The following GLRA2 variants were observed in gnomAD, a reference collection of about 807,000 sequenced individuals.
The protein encoded by GLRA2 is glycine receptor alpha 2, also known as glycine receptor subunit alpha-2.
Under a neutral mutation model 31.6 loss-of-function variants are expected in GLRA2, and 11 were observed. That is an observed-to-expected ratio of 0.35 (90% CI 0.22 to 0.58). GLRA2 has a LOEUF of 0.58. Among genes scored for constraint, GLRA2 ranks in the 20% least tolerant of loss-of-function variants. The pLI is 0.84. For missense variants in GLRA2, 212 were observed against 351.8 expected, an observed-to-expected ratio of 0.60 and a Z score of 3.18; for synonymous variants, 132 against 134.0, an observed-to-expected ratio of 0.99 and a Z score of 0.10.
At chrX:14,532,399 G>A (rs2089269187) in intron 2 of GLRA2, 27 bp downstream of exon 2, 7 of 1,066,802 alleles carry the variant, frequency 6.6e-6, no homozygotes, top group East Asian at 3.2e-5. Flanking sequence ...CTTACGTTAA[G>A]CCTTTGAGAA....
chrX:14,598,317 T>C (rs1326355667), intron 4 of GLRA2, among the ~76,000 whole-genome samples: 1 of 112,459 alleles, frequency 8.9e-6, no homozygotes, highest in Non-Finnish European at 1.9e-5. Flanking sequence ...TGAAAATTCA[T>C]CTTCTCTTCA....
the GLRA2 span, among the ~76,000 whole-genome samples, chrX:14,475,708 A>C: frequency 1.8e-5 from 2 of 111,694 alleles, no homozygotes. Flanking sequence ...ACACACACAC[A>C]CACACATATA....
intron 2 of GLRA2, among the ~76,000 whole-genome samples, chrX:14,544,445 G>A (rs1294991124): frequency 9.0e-6 from 1 of 111,420 alleles, no homozygotes. Flanking sequence ...TTCAAAAAAT[G>A]GGTAAATCTT....
In GLRA2 at chrX:14,731,380, C is replaced by T. The variant is rs1436921115; in HGVS notation, c.*895C>T. 8.9e-6 allele frequency: 1 copy of T among 111,809 alleles called. No homozygotes were observed. The highest frequency in any genetic ancestry group is 3.3e-5 in the African/African-American group (1 of 30,642). The allele number at this position is 111,809 out of a possible 1,213,427, so 9.2% of individuals were successfully genotyped here. On this transcript the variant is annotated 3_prime_UTR_variant, in exon 9 of 9. Coordinates refer to ENST00000218075, the MANE Select transcript of GLRA2 (RefSeq NM_002063.4). Reference sequence around the variant, plus strand: ...TTTACACGTGACTTTAATCGCCCAACTGTGACTAGTCATTGCAGCTACTCA... The same window carrying T: ...TTTACACGTGACTTTAATCGCCCAATTGTGACTAGTCATTGCAGCTACTCA...
intron 2 of GLRA2, among the ~76,000 whole-genome samples, chrX:14,569,192 T>C (rs2089850564): frequency 9.0e-6 from 1 of 111,114 alleles, no homozygotes; most frequent in African/African-American, 3.3e-5. Flanking sequence ...GAGGCAGAGG[T>C]TGCAGTGAGC....
At chrX:14,500,557 G>A in the GLRA2 span, among the ~76,000 whole-genome samples, 1 of 112,257 alleles carries the variant, frequency 8.9e-6, no homozygotes, top group Non-Finnish European at 1.9e-5. Context: ...GTGGGTTGAG[G>A]TAGGGACAGG....
At chrX:14,647,003 A>G (rs2090839057) in intron 7 of GLRA2, among the ~76,000 whole-genome samples, 2 of 112,096 alleles carry the variant, frequency 1.8e-5, no homozygotes, top group South Asian at 3.7e-4. Flanking sequence ...AAATAGGTCA[A>G]CATTCCGCCT....
At chrX:14,584,870 C>A (rs1408448656) in intron 4 of GLRA2, among the ~76,000 whole-genome samples, 1 of 111,776 alleles carries the variant, frequency 8.9e-6, no homozygotes, top group East Asian at 2.8e-4. Context: ...CTAATGAATA[C>A]CAGGCATCAC....
At chrX:14,501,397 A>G in the GLRA2 span, among the ~76,000 whole-genome samples, 1 of 111,244 alleles carries the variant, frequency 9.0e-6, no homozygotes, top group African/African-American at 3.3e-5. Flanking sequence ...CGCTTTTTAA[A>G]CTTTTGCTTT....
chrX:14,622,907 G>T (rs913939256), intron 7 of GLRA2, among the ~76,000 whole-genome samples: 3 of 111,793 alleles, frequency 2.7e-5, no homozygotes, highest in Non-Finnish European at 5.6e-5. Flanking sequence ...TAGCTTGAAG[G>T]GGATGGCATT....
chrX:14,682,357 G>A (rs1208221189), intron 7 of GLRA2, among the ~76,000 whole-genome samples: 1 of 110,829 alleles, frequency 9.0e-6, no homozygotes, highest in African/African-American at 3.3e-5. Flanking sequence ...GATTGTTTTA[G>A]ACAAATAGTG....
At chrX:14,595,509 A>G (rs1281547456) in intron 4 of GLRA2, among the ~76,000 whole-genome samples, 2 of 111,903 alleles carry the variant, frequency 1.8e-5, no homozygotes, top group African/African-American at 3.2e-5. Flanking sequence ...TTAATCACAG[A>G]GCTTTCAGAA....
intron 7 of GLRA2, among the ~76,000 whole-genome samples, chrX:14,669,040 G>T (rs577317249): frequency 8.9e-6 from 1 of 112,314 alleles, no homozygotes; most frequent in African/African-American, 3.2e-5. Flanking sequence ...GATACAATCG[G>T]GATACAGGCA....
chrX:14,702,167 A>G (rs759705063), intron 8 of GLRA2, among the ~76,000 whole-genome samples: 1 of 111,924 alleles, frequency 8.9e-6, no homozygotes, highest in African/African-American at 3.3e-5. Context: ...CATCATAAAA[A>G]GTTGAGTCAG....
At chrX:14,472,210 C>CA in the GLRA2 span, among the ~76,000 whole-genome samples, 1 of 112,075 alleles carries the variant, frequency 8.9e-6, no homozygotes, top group Non-Finnish European at 1.9e-5. Context: ...TGGCTGAACA[C>CA]TGTCTCTCCT....
At chrX:14,726,794 T>C (rs1569527891) in intron 8 of GLRA2, among the ~76,000 whole-genome samples, 1 of 112,607 alleles carries the variant, frequency 8.9e-6, no homozygotes, top group Non-Finnish European at 1.9e-5. Flanking sequence ...CGTGGACATG[T>C]ATATTTAAGT....
the GLRA2 span, among the ~76,000 whole-genome samples, chrX:14,470,086 A>G: frequency 9.0e-6 from 1 of 111,382 alleles, no homozygotes; most frequent in Non-Finnish European, 1.9e-5. Flanking sequence ...TAACTTTTTC[A>G]TTTTCATCCT....
At chrX:14,496,414 G>A in the GLRA2 span, among the ~76,000 whole-genome samples, 35 of 111,247 alleles carry the variant, frequency 3.1e-4, no homozygotes, top group South Asian at 0.011. Context: ...ACCATAATAC[G>A]TTTTTCTCCA....
chrX:14,488,921 A>AT, the GLRA2 span, among the ~76,000 whole-genome samples: 2 of 110,945 alleles, frequency 1.8e-5, no homozygotes, highest in Non-Finnish European at 3.8e-5. Context: ...TTATTCATTC[A>AT]TTTTTTTGTG....
Sources: gnomAD v4.1 joint callset for allele counts (sites outside exome capture counted in the v4.1 genomes callset) on GRCh38, gnomAD v4.1.1 for gene constraint, MANE v1.5 for transcripts, NCBI Gene and HGNC (gene_info 2026-07-23, HGNC 2026-07-21) for gene names.